CSRP2: variants seen among roughly 807,000 people sequenced by gnomAD.
CSRP2 encodes the protein cysteine and glycine rich protein 2.
Under a neutral mutation model 24.6 loss-of-function variants are expected in CSRP2, and 18 were observed. That is an observed-to-expected ratio of 0.73 (90% CI 0.51 to 1.09). The LOEUF (loss-of-function observed/expected upper bound fraction) is 1.09, where lower values mean the gene tolerates loss of function less well. CSRP2 is among the 50% of genes least tolerant of loss of function. The probability of loss-of-function intolerance (pLI) is 0.00; values close to 1 mark genes in which losing one functional copy is unlikely to be tolerated. For synonymous variants in CSRP2, 87 were observed against 84.3 expected (o/e 1.03, Z -0.18); for missense variants, 215 against 239.4 (o/e 0.90, Z 0.67).
At chr12:76,859,164 T>A in intron 5 of CSRP2, 136 bp from the exon 6 acceptor site, 1 of 695,912 alleles carries the variant, frequency 1.4e-6, no homozygotes, top group Non-Finnish European at 2.6e-6. Flanking sequence ...ATGTTAAATG[T>A]GTCATGTACT....
Position 76,863,257 on chromosome 12 carries a change from C to G in CSRP2, c.200G>C (p.Gly67Ala). ...CTGGCCATAACCGTAGCCTTTTGGC[C>G]CATACTTCTTTCCGTAGCAGGATTT... ...YCKSCYGKKY[G>A]PKGYGYGQGA... Residue 67 changes from glycine to alanine, a missense_variant, in exon 3 of 6, where the codon GGG becomes GCG. Gly to Ala is a moderately conservative substitution (Grantham distance 60). Coordinates refer to ENST00000311083, the MANE Select transcript of CSRP2 (RefSeq NM_001321.3). 6.2e-7 allele frequency: 1 copy of G among 1,614,202 alleles called. No homozygotes were observed. Among genetic ancestry groups the G allele is most frequent in the Non-Finnish European group, 8.5e-7 (1 of 1,180,040 alleles).
intron 1 of CSRP2, among the ~76,000 whole-genome samples, chr12:76,877,391 G>A (rs1322612420): frequency 1.3e-5 from 2 of 152,136 alleles, no homozygotes; most frequent in East Asian, 1.9e-4. Context: ...AAATACATTC[G>A]GAGAAATGCA....
chr12:76,861,487 G>C (rs1474184363), intron 3 of CSRP2: 3 of 151,706 alleles, frequency 2.0e-5, no homozygotes, highest in Non-Finnish European at 2.9e-5. Context: ...GGGAGATGCA[G>C]GTTGAGTGAG....
At chr12:76,868,850 G>A (rs542369253) in intron 1 of CSRP2, among the ~76,000 whole-genome samples, 30 of 151,540 alleles carry the variant, frequency 2.0e-4, no homozygotes, top group Non-Finnish European at 2.4e-4. Flanking sequence ...GGAGAATAGC[G>A]TGAACCCGGG....
intron 1 of CSRP2, among the ~76,000 whole-genome samples, chr12:76,871,645 T>C (rs1056232840): frequency 6.6e-6 from 1 of 151,900 alleles, no homozygotes; most frequent in African/African-American, 2.4e-5. Context: ...GTGCCTGTAG[T>C]CCCAGCTACT....
Position 76,871,626 on chromosome 12 carries a change from C to T in CSRP2, c.-1-5365G>A, listed in dbSNP as rs117816170. On this transcript the variant is annotated intron_variant, in intron 1 of 5. Transcript: ENST00000311083. ...TCTACTAAAAATACTTAGCCGGGCG[C>T]GGTGGCAGGTGCCTGTAGTCCCAGC... 7.6e-3 allele frequency among the ~76,000 whole-genome samples: 1,149 copies of T among 151,964 alleles called. 10 individuals carry two copies. Among genetic ancestry groups the T allele is most frequent in the Non-Finnish European group, 9.4e-3 (637 of 67,932 alleles).
intron 1 of CSRP2, among the ~76,000 whole-genome samples, chr12:76,869,578 A>ACACACACACACACACACACACACACACC (rs1420575005): frequency 1.4e-5 from 2 of 138,900 alleles, no homozygotes; most frequent in Admixed American, 7.3e-5. Context: ...ACACACACAC[A>ACACACACACACACACACACACACACACC]CCCCTGACTG....
rs1230587401 is a variant in CSRP2 at position 76,863,436 on chromosome 12, G to A, written c.113-92C>T. The A allele has an allele frequency of 3.9e-6, 5 of 1,297,766 alleles. No homozygotes were observed. The African/African-American group carries it at 5.8e-5, about 15-fold the overall frequency. 80.4% of individuals were successfully genotyped at this position (1,297,766 alleles called of 1,614,324 possible). ...CACAGACACATGGCCTACAAATGGTGAAGGCTGAGGCTCCCTCACATTCCT... is the reference window on the plus strand; with the variant it reads ...CACAGACACATGGCCTACAAATGGTAAAGGCTGAGGCTCCCTCACATTCCT... On this transcript the variant is annotated intron_variant, in intron 2 of 5. Coordinates refer to ENST00000311083, the MANE Select transcript of CSRP2 (RefSeq NM_001321.3).
intron 1 of CSRP2, among the ~76,000 whole-genome samples, chr12:76,870,097 T>C (rs1484729171): frequency 1.3e-5 from 2 of 152,226 alleles, no homozygotes; most frequent in Non-Finnish European, 1.5e-5. Flanking sequence ...TTAAAATACT[T>C]TGTTGTTGTC....
chr12:76,860,505 C>A (rs995206126), intron 3 of CSRP2, 92 bp from the exon 4 acceptor site: 48 of 1,438,034 alleles, frequency 3.3e-5, no homozygotes, highest in Non-Finnish European at 4.3e-5. Context: ...TGGGACTTAA[C>A]CGCTACACTG....
At position 76,863,321 on chromosome 12, in the gene CSRP2, T is replaced by G. The variant is rs776406769; in HGVS notation, c.136A>C (p.Ser46Arg). 1.9e-6 allele frequency: 3 copies of G among 1,614,062 alleles called. No individual in the cohort carries two copies. The highest frequency in any genetic ancestry group is 1.1e-5 in the South Asian group (1 of 91,084). Residue 46 changes from serine to arginine, a missense_variant, in exon 3 of 6, where the codon AGC becomes CGC. Physicochemically the swap from Ser to Arg is moderately radical, Grantham distance 110. Transcript: ENST00000311083. Reference sequence around the variant, plus strand: ...TCATCGTGAATTGCCACTGTTGTGCTATCTAAATTTTTCCTGCAAACCACT... The same window carrying G: ...TCATCGTGAATTGCCACTGTTGTGCGATCTAAATTTTTCCTGCAAACCACT... ...LCMVCRKNLD[S>R]TTVAIHDEEI...
intron 1 of CSRP2, among the ~76,000 whole-genome samples, chr12:76,869,695 T>G (rs1953777367): frequency 6.6e-6 from 1 of 152,200 alleles, no homozygotes; most frequent in South Asian, 2.1e-4. Flanking sequence ...GTTACCAGGC[T>G]TACCGTGAAG....
intron 1 of CSRP2, among the ~76,000 whole-genome samples, chr12:76,868,955 A>G (rs1420435805): frequency 6.6e-6 from 1 of 151,382 alleles, no homozygotes; most frequent in African/African-American, 2.4e-5. Flanking sequence ...AAAAAAAAAA[A>G]GAAAAGCACT....
Position 76,874,329 on chromosome 12 carries a change from A to C in CSRP2, c.-2+4609T>G, listed in dbSNP as rs1592514313. Among the ~76,000 whole-genome samples the C allele has an allele frequency of 2.6e-5, 4 of 152,362 alleles. 1 individual carries two copies. Among genetic ancestry groups the C allele is most frequent in the Admixed American group, 2.6e-4 (4 of 15,306 alleles). Reference sequence around the variant, plus strand: ...GCCAGATATAAAAGAAACAGTGCGGAGCTTAGAATCAGATAGACACAAGCT... The same window carrying C: ...GCCAGATATAAAAGAAACAGTGCGGCGCTTAGAATCAGATAGACACAAGCT... On this transcript the variant is annotated intron_variant, in intron 1 of 5. Coordinates refer to ENST00000311083, the MANE Select transcript of CSRP2 (RefSeq NM_001321.3).
chr12:76,865,238 T>C lies in CSRP2; in HGVS notation c.112+911A>G, dbSNP rs576912499. 5.3e-5 allele frequency among the ~76,000 whole-genome samples: 8 copies of C among 152,326 alleles called. No homozygotes were observed. The South Asian group carries it at 1.7e-3, about 32-fold the overall frequency. On this transcript the variant is annotated intron_variant, in intron 2 of 5. Transcript: ENST00000311083. ...AACTGAGAGCAATTTCTAAAGTATT[T>C]GCATTCTGTTTCCATACTTTCTTGG... is the stretch of plus-strand genomic sequence containing the variant.
intron 2 of CSRP2, 97 bp from the exon 3 acceptor site, chr12:76,863,441 C>A: frequency 8.0e-7 from 1 of 1,245,716 alleles, no homozygotes; most frequent in Admixed American, 2.1e-5. Context: ...ATGGTGAAGG[C>A]TGAGGCTCCC....
intron 3 of CSRP2, 123 bp from the exon 4 acceptor site, chr12:76,860,536 GCAGGCCAGCA>G: frequency 8.5e-7 from 1 of 1,171,788 alleles, no homozygotes; most frequent in Admixed American, 2.2e-5. Context: ...GGAAGCCTTT[GCAGGCCAGCA>G]CAGGGGAGGG....
At chr12:76,867,655 T>C (rs2137829693) in intron 1 of CSRP2, among the ~76,000 whole-genome samples, 1 of 152,306 alleles carries the variant, frequency 6.6e-6, no homozygotes, top group Non-Finnish European at 1.5e-5. Context: ...TTCCCCATCA[T>C]CTTTTTTGAG....
intron 1 of CSRP2, among the ~76,000 whole-genome samples, chr12:76,869,573 C>CACACAT (rs1953774160): frequency 6.8e-6 from 1 of 146,856 alleles, no homozygotes; most frequent in East Asian, 1.9e-4. Context: ...CACACACACA[C>CACACAT]ACACACCCCT....
Sources: allele counts gnomAD v4.1 joint callset (sites outside exome capture counted in the v4.1 genomes callset), GRCh38; gene constraint gnomAD v4.1.1; transcripts MANE v1.5; gene names NCBI Gene and HGNC (gene_info 2026-07-23, HGNC 2026-07-21).